The following TBC1D4 variants were observed in gnomAD, a reference collection of about 807,000 sequenced individuals.
The protein encoded by TBC1D4 is TBC (Tre-2, BUB2, CDC16) domain-containing protein.
In TBC1D4, 121 loss-of-function variants were observed where a neutral mutation model predicts 142.5. The ratio of observed to expected loss-of-function variants is 0.85; its 90% CI spans 0.73 to 0.99. The LOEUF is 0.99. Ranked by LOEUF, TBC1D4 falls within the 50% of genes least tolerant of loss-of-function variation. The probability of loss-of-function intolerance (pLI) is 0.00; values close to 1 mark genes in which losing one functional copy is unlikely to be tolerated. For synonymous variants in TBC1D4, 630 were observed against 628.2 expected (o/e 1.00, Z -0.04); for missense variants, 1,475 against 1,606.6 (o/e 0.92, Z 1.40).
At chr13:75,395,355 C>T (rs535370984) in intron 1 of TBC1D4, among the ~76,000 whole-genome samples, 6 of 152,232 alleles carry the variant, frequency 3.9e-5, no homozygotes, top group South Asian at 2.1e-4. Flanking sequence ...GCCCTTTTCG[C>T]GAATGTTTTT....
intron 1 of TBC1D4, among the ~76,000 whole-genome samples, chr13:75,477,674 A>T (rs189279644): frequency 2.0e-3 from 309 of 152,326 alleles, no homozygotes; most frequent in Middle Eastern, 3.4e-3. Context: ...AATTTGGGTA[A>T]TGCCATACAG....
chr13:75,380,784 T>C (rs1394753164), intron 1 of TBC1D4, among the ~76,000 whole-genome samples: 1 of 152,190 alleles, frequency 6.6e-6, no homozygotes, highest in Non-Finnish European at 1.5e-5. Context: ...TCTGGTGTTA[T>C]GCCACTGGAA....
At chr13:75,374,455 ATTT>A (rs1883390395) in intron 1 of TBC1D4, among the ~76,000 whole-genome samples, 1 of 152,144 alleles carries the variant, frequency 6.6e-6, no homozygotes, top group African/African-American at 2.4e-5. Flanking sequence ...TTCAAGTAGA[ATTT>A]GTGACACTAA....
At chr13:75,357,492 C>T (rs1180200528) in intron 3 of TBC1D4, among the ~76,000 whole-genome samples, 1 of 152,186 alleles carries the variant, frequency 6.6e-6, no homozygotes, top group Non-Finnish European at 1.5e-5. Flanking sequence ...CTCCCCAACT[C>T]CAGCCACACT....
chr13:75,452,753 C>A (rs1333033824), intron 1 of TBC1D4, among the ~76,000 whole-genome samples: 1 of 151,990 alleles, frequency 6.6e-6, no homozygotes, highest in Non-Finnish European at 1.5e-5. Flanking sequence ...ATGAGTGATA[C>A]GGAGGAGTGA....
intron 1 of TBC1D4, among the ~76,000 whole-genome samples, chr13:75,402,981 T>C (rs1885172358): frequency 2.0e-5 from 3 of 152,208 alleles, no homozygotes; most frequent in Admixed American, 6.5e-5. Context: ...CCCGGGTTAA[T>C]GAGTTCCACA....
At chr13:75,410,890 C>A (rs1278496651) in intron 1 of TBC1D4, among the ~76,000 whole-genome samples, 2 of 121,928 alleles carry the variant, frequency 1.6e-5, no homozygotes, top group African/African-American at 6.0e-5. Context: ...GAGCCGAGAT[C>A]GCGCCACTGC....
chr13:75,405,809 C>T (rs1292564940), intron 1 of TBC1D4, among the ~76,000 whole-genome samples: 1 of 137,804 alleles, frequency 7.3e-6, no homozygotes, highest in Non-Finnish European at 1.6e-5. Flanking sequence ...CAAAATAAAG[C>T]ACAGTTTCAA....
chr13:75,292,553 G>A (rs1875425845), intron 18 of TBC1D4, among the ~76,000 whole-genome samples: 1 of 151,968 alleles, frequency 6.6e-6, no homozygotes, highest in South Asian at 2.1e-4. Flanking sequence ...AAATTTAATG[G>A]AGACTAGGTA....
intron 1 of TBC1D4, among the ~76,000 whole-genome samples, chr13:75,400,602 C>T (rs1274622687): frequency 1.5e-5 from 2 of 132,464 alleles, no homozygotes; most frequent in Non-Finnish European, 1.6e-5. Context: ...GGACTACAGG[C>T]GCCCACCACC....
intron 1 of TBC1D4, among the ~76,000 whole-genome samples, chr13:75,412,049 A>G (rs1282427620): frequency 6.6e-6 from 1 of 152,230 alleles, no homozygotes; most frequent in African/African-American, 2.4e-5. Flanking sequence ...GCCTAGGGAC[A>G]GCAGTGTTCG....
intron 4 of TBC1D4, 104 bp from the exon 5 acceptor site, chr13:75,349,406 T>C (rs920542517): frequency 2.3e-6 from 3 of 1,278,488 alleles, no homozygotes; most frequent in Non-Finnish European, 2.2e-6. Flanking sequence ...TAAATAAAAA[T>C]AATAGAATTT....
At chr13:75,436,333 G>C (rs936389649) in intron 1 of TBC1D4, among the ~76,000 whole-genome samples, 2 of 152,032 alleles carry the variant, frequency 1.3e-5, no homozygotes, top group African/African-American at 4.8e-5. Flanking sequence ...ATGCCAACTA[G>C]TTCATGAAGA....
rs1237228247 is a variant in TBC1D4 at position 75,287,091 on chromosome 13, A to G, written c.3664-66T>C. On this transcript the variant is annotated intron_variant, in intron 20 of 20. Coordinates refer to ENST00000377636, the MANE Select transcript of TBC1D4 (RefSeq NM_014832.5). ...TTATAGTAGGAGACAGTCCTTACAC[A>G]TATTAACCAATTACTTCAAATTACT... 5 of 1,290,428 alleles carry G rather than the reference A, an allele frequency of 3.9e-6. No individual in the cohort carries two copies. The African/African-American group carries it at 4.4e-5, about 11-fold the overall frequency. The allele number at this position is 1,290,428 out of a possible 1,614,324, so 79.9% of individuals were successfully genotyped here. A position where few individuals can be genotyped will look rare whatever the true frequency, so the allele number is the denominator to read the frequency against.
intron 4 of TBC1D4, among the ~76,000 whole-genome samples, chr13:75,351,078 C>T (rs1325052305): frequency 6.6e-6 from 1 of 152,106 alleles, no homozygotes; most frequent in Admixed American, 6.6e-5. Context: ...ATAAATCAAT[C>T]ATACACCAAC....
chr13:75,351,122 G>T (rs1421649935), intron 4 of TBC1D4, among the ~76,000 whole-genome samples: 2 of 152,024 alleles, frequency 1.3e-5, no homozygotes, highest in Non-Finnish European at 2.9e-5. Context: ...CACTACCACT[G>T]GGCAAATTAA....
At chr13:75,413,650 A>G (rs1480419164) in intron 1 of TBC1D4, among the ~76,000 whole-genome samples, 1 of 152,236 alleles carries the variant, frequency 6.6e-6, no homozygotes, top group African/African-American at 2.4e-5. Context: ...TGGAATTTCA[A>G]GAACAAAGAG....
intron 1 of TBC1D4, among the ~76,000 whole-genome samples, chr13:75,444,739 C>T (rs1293090932): frequency 2.0e-5 from 3 of 152,160 alleles, no homozygotes; most frequent in Non-Finnish European, 4.4e-5. Context: ...TCATTTATCA[C>T]TGCAGTCTGG....
chr13:75,358,212 C>A (rs376177770), intron 3 of TBC1D4, among the ~76,000 whole-genome samples: 1 of 152,142 alleles, frequency 6.6e-6, no homozygotes. Context: ...TTGAACACCT[C>A]AGGGTTAAGC....
Sources: allele counts gnomAD v4.1 joint callset (sites outside exome capture counted in the v4.1 genomes callset), GRCh38; gene constraint gnomAD v4.1.1; transcripts MANE v1.5; gene names NCBI Gene and HGNC (gene_info 2026-07-23, HGNC 2026-07-21).